SPRED1: variants seen among roughly 807,000 people sequenced by gnomAD.
SPRED1 encodes the protein sprouty-related, EVH1 domain-containing protein 1.
In SPRED1, 18 loss-of-function variants were observed where a neutral mutation model predicts 52.3. That is an observed-to-expected ratio of 0.34 (90% CI 0.24 to 0.51). The LOEUF is 0.51. SPRED1 is among the 20% of genes least tolerant of loss of function. The probability of loss-of-function intolerance (pLI) is 0.97; values close to 1 mark genes in which losing one functional copy is unlikely to be tolerated. For synonymous variants in SPRED1, 155 were observed against 179.7 expected, an observed-to-expected ratio of 0.86 and a Z score of 1.10; for missense variants, 485 against 551.0, an observed-to-expected ratio of 0.88 and a Z score of 1.20.
chr15:38,278,767 CAA>C (rs71129329), intron 1 of SPRED1, among the ~76,000 whole-genome samples: 123,438 of 149,478 alleles, frequency 0.83, 51,662 homozygotes, highest in Non-Finnish European at 0.9. Context: ...GGAAGAATGA[CAA>C]AGAAAAAAAA....
At chr15:38,279,135 C>G (rs1201585016) in intron 1 of SPRED1, among the ~76,000 whole-genome samples, 1 of 152,132 alleles carries the variant, frequency 6.6e-6, no homozygotes. Context: ...CTCCTAACTA[C>G]ATTTTTGATC....
At chr15:38,279,864 A>T (rs911302733) in intron 1 of SPRED1, among the ~76,000 whole-genome samples, 2 of 152,216 alleles carry the variant, frequency 1.3e-5, no homozygotes, top group African/African-American at 4.8e-5. Context: ...GGATAATTTT[A>T]GGAGTCTTCA....
intron 4 of SPRED1, among the ~76,000 whole-genome samples, chr15:38,337,501 AG>A (rs1895945722): frequency 6.6e-6 from 1 of 152,244 alleles, no homozygotes; most frequent in South Asian, 2.1e-4. Flanking sequence ...CCTAGTTAAT[AG>A]GTTAATTCCA....
intron 1 of SPRED1, among the ~76,000 whole-genome samples, chr15:38,298,031 A>G (rs1435116045): frequency 3.9e-5 from 6 of 152,222 alleles, no homozygotes; most frequent in African/African-American, 1.2e-4. Flanking sequence ...TCTAAAAATC[A>G]TAATAAAGAC....
intron 1 of SPRED1, among the ~76,000 whole-genome samples, chr15:38,291,284 C>T (rs1390663641): frequency 6.6e-6 from 1 of 152,146 alleles, no homozygotes; most frequent in Non-Finnish European, 1.5e-5. Flanking sequence ...GCATCTCTGC[C>T]CATGTGGTTT....
intron 1 of SPRED1, among the ~76,000 whole-genome samples, chr15:38,270,978 T>G (rs1400173879): frequency 6.6e-6 from 1 of 152,174 alleles, no homozygotes; most frequent in Admixed American, 6.5e-5. Flanking sequence ...GAACCATAGA[T>G]TGTTGTTCAT....
chr15:38,284,911 A>G (rs1395702050), intron 1 of SPRED1, among the ~76,000 whole-genome samples: 2 of 151,526 alleles, frequency 1.3e-5, no homozygotes, highest in Non-Finnish European at 2.9e-5. Flanking sequence ...ATTTTGATTC[A>G]AAGTTTTGGT....
chr15:38,274,918 T>G (rs144679309), intron 1 of SPRED1, among the ~76,000 whole-genome samples: 7 of 152,374 alleles, frequency 4.6e-5, no homozygotes, highest in Non-Finnish European at 8.8e-5. Flanking sequence ...ATCCCATTAC[T>G]GGTAAATTTT....
intron 1 of SPRED1, 129 bp downstream of exon 1, chr15:38,253,346 G>A: frequency 2.3e-6 from 2 of 856,230 alleles, no homozygotes; most frequent in South Asian, 1.4e-5. Context: ...ATCTTCTGGA[G>A]ATAGCTGATT....
intron 1 of SPRED1, among the ~76,000 whole-genome samples, chr15:38,295,863 T>C (rs1197240881): frequency 6.6e-6 from 1 of 152,078 alleles, no homozygotes; most frequent in African/African-American, 2.4e-5. Context: ...ATCACAAGTT[T>C]CATACATGCA....
At position 38,336,895 on chromosome 15, in the gene SPRED1, C is replaced by T. The variant is rs764434783; in HGVS notation, c.424-2842C>T. On this transcript the variant is annotated intron_variant, in intron 4 of 6. Transcript: ENST00000299084. Reference sequence around the variant, plus strand: ...AGAAATCACCACTAAAGAACTTACTCATGTGACCAAACCACCTGTTCCCCA... The same window carrying T: ...AGAAATCACCACTAAAGAACTTACTTATGTGACCAAACCACCTGTTCCCCA... Among the ~76,000 whole-genome samples, 106 of 152,084 alleles carry T rather than the reference C, an allele frequency of 7.0e-4. 2 individuals carry two copies. The highest frequency in any genetic ancestry group is 1.0e-4 in the Non-Finnish European group (7 of 68,014).
At chr15:38,275,086 A>G (rs1472164110) in intron 1 of SPRED1, among the ~76,000 whole-genome samples, 1 of 152,236 alleles carries the variant, frequency 6.6e-6, no homozygotes, top group Non-Finnish European at 1.5e-5. Context: ...TCTTGCCTGC[A>G]ACAATTACTG....
chr15:38,274,023 A>T (rs1385396807), intron 1 of SPRED1, among the ~76,000 whole-genome samples: 1 of 152,214 alleles, frequency 6.6e-6, no homozygotes, highest in Non-Finnish European at 1.5e-5. Context: ...CATATTAAAG[A>T]GTTATTCAAA....
intron 1 of SPRED1, among the ~76,000 whole-genome samples, chr15:38,292,663 C>T (rs183744220): frequency 6.6e-6 from 1 of 152,248 alleles, no homozygotes; most frequent in Non-Finnish European, 1.5e-5. Flanking sequence ...GAAAGACCGG[C>T]CCCCATGATT....
At position 38,355,979 on chromosome 15, in the gene SPRED1, G is replaced by T. The variant is rs1412661304; in HGVS notation, c.*4315G>T. 6.6e-6 allele frequency: 1 copy of T among 152,160 alleles called. No homozygotes were observed. The highest frequency in any genetic ancestry group is 1.5e-5 in the Non-Finnish European group (1 of 68,016). 9.4% of individuals were successfully genotyped at this position (152,160 alleles called of 1,614,324 possible). A position where few individuals can be genotyped will look rare whatever the true frequency, so the allele number is the denominator to read the frequency against. Reference sequence around the variant, plus strand: ...GTACTGTTTGCCTAGCAGCCAGGTGGTTATAAAAGATTCATATGCTTTGGT... The same window carrying T: ...GTACTGTTTGCCTAGCAGCCAGGTGTTTATAAAAGATTCATATGCTTTGGT... On this transcript the variant is annotated 3_prime_UTR_variant, in exon 7 of 7. Coordinates refer to ENST00000299084, the MANE Select transcript of SPRED1 (RefSeq NM_152594.3).
chr15:38,264,983 G>A (rs1894279158), intron 1 of SPRED1, among the ~76,000 whole-genome samples: 1 of 152,160 alleles, frequency 6.6e-6, no homozygotes, highest in African/African-American at 2.4e-5. Context: ...AAACCAAGAT[G>A]TTGACTGATA....
chr15:38,318,431 C>T (rs1463803152), intron 2 of SPRED1, among the ~76,000 whole-genome samples: 2 of 152,004 alleles, frequency 1.3e-5, no homozygotes, highest in Admixed American at 1.3e-4. Context: ...TTTTAAAGCT[C>T]ATTTTTATTG....
At chr15:38,306,825 C>T (rs910416672) in intron 2 of SPRED1, among the ~76,000 whole-genome samples, 1 of 152,148 alleles carries the variant, frequency 6.6e-6, no homozygotes, top group African/African-American at 2.4e-5. Flanking sequence ...TTTATTATTA[C>T]ATTTCCTCTT....
intron 5 of SPRED1, among the ~76,000 whole-genome samples, chr15:38,343,038 A>G (rs934937659): frequency 1.3e-5 from 2 of 152,158 alleles, no homozygotes; most frequent in African/African-American, 4.8e-5. Context: ...AAGAGCGGTC[A>G]CATTAGGAGA....
Sources: gnomAD v4.1 joint callset for allele counts (sites outside exome capture counted in the v4.1 genomes callset) on GRCh38, gnomAD v4.1.1 for gene constraint, MANE v1.5 for transcripts, NCBI Gene and HGNC (gene_info 2026-07-23, HGNC 2026-07-21) for gene names.